The following KCNT2 variants were observed in gnomAD, a reference collection of about 807,000 sequenced individuals.
KCNT2 encodes potassium channel subfamily T member 2.
A neutral mutation model predicts 153.8 loss-of-function variants in KCNT2; 67 were observed. The ratio of observed to expected loss-of-function variants is 0.44; its 90% CI spans 0.36 to 0.53. KCNT2 has a LOEUF of 0.53. Ranked by LOEUF, KCNT2 falls within the 20% of genes least tolerant of loss-of-function variation. KCNT2 has a pLI of 0.00. For missense variants in KCNT2, 975 were observed against 1,354.8 expected (o/e 0.72, Z 4.40); for synonymous variants, 500 against 458.8 (o/e 1.09, Z -1.15).
At chr1:196,494,965 G>C (rs893698719) in intron 1 of KCNT2, among the ~76,000 whole-genome samples, 1 of 151,772 alleles carries the variant, frequency 6.6e-6, no homozygotes, top group African/African-American at 2.4e-5. Context: ...CAGCATGCGA[G>C]CCACTGGCTT....
intron 1 of KCNT2, among the ~76,000 whole-genome samples, chr1:196,543,748 ATG>A (rs1656693835): frequency 6.6e-6 from 1 of 152,164 alleles, no homozygotes. Flanking sequence ...ACAACCCTAT[ATG>A]CTGTGAGGAT....
intron 14 of KCNT2, among the ~76,000 whole-genome samples, chr1:196,349,279 C>T (rs987205058): frequency 7.9e-5 from 12 of 152,110 alleles, no homozygotes; most frequent in African/African-American, 2.9e-4. Context: ...TTTCAGATCT[C>T]CCATTCCTAT....
intron 1 of KCNT2, among the ~76,000 whole-genome samples, chr1:196,546,034 A>C (rs1416964): frequency 0.97 from 147,298 of 152,038 alleles, 71,528 homozygotes; most frequent in Middle Eastern, 1. Flanking sequence ...TGAGTATATA[A>C]CCAATAGTAT....
chr1:196,411,168 T>C (rs898068228), intron 12 of KCNT2, among the ~76,000 whole-genome samples: 1 of 149,874 alleles, frequency 6.7e-6, no homozygotes, highest in Admixed American at 6.7e-5. Context: ...TTTCCTTCTG[T>C]TGAAGAGACT....
chr1:196,473,007 T>C (rs1005853811), intron 5 of KCNT2, among the ~76,000 whole-genome samples: 1 of 152,184 alleles, frequency 6.6e-6, no homozygotes, highest in Non-Finnish European at 1.5e-5. Flanking sequence ...ATTTCATTTG[T>C]CTCTTGTTGA....
chr1:196,331,017 T>A (rs1664405448), intron 18 of KCNT2, 139 bp downstream of exon 18: 4 of 585,544 alleles, frequency 6.8e-6, no homozygotes, highest in Non-Finnish European at 1.2e-5. Context: ...CCACTTTATA[T>A]AAATTTACAT....
chr1:196,252,883 T>C (rs1036823798), intron 26 of KCNT2, among the ~76,000 whole-genome samples: 2 of 151,430 alleles, frequency 1.3e-5, no homozygotes, highest in Admixed American at 6.6e-5. Context: ...CCTTTCTATT[T>C]TTTTGTTTTG....
intron 1 of KCNT2, among the ~76,000 whole-genome samples, chr1:196,540,553 A>G (rs1318792285): frequency 6.6e-6 from 1 of 152,172 alleles, no homozygotes. Flanking sequence ...CCAACCAACC[A>G]AGAAACAACA....
At chr1:196,602,383 T>C (rs1664821251) in intron 1 of KCNT2, among the ~76,000 whole-genome samples, 1 of 152,198 alleles carries the variant, frequency 6.6e-6, no homozygotes, top group Non-Finnish European at 1.5e-5. Flanking sequence ...GAACCATCAA[T>C]GACAAAAGGA....
intron 1 of KCNT2, among the ~76,000 whole-genome samples, chr1:196,561,713 G>A (rs899329916): frequency 5.5e-5 from 7 of 128,396 alleles, no homozygotes; most frequent in African/African-American, 1.4e-4. Context: ...AGAAATGCTC[G>A]TTACACAGCC....
chr1:196,546,529 C>T (rs55847636), intron 1 of KCNT2, among the ~76,000 whole-genome samples: 7,963 of 152,026 alleles, frequency 0.052, 282 homozygotes, highest in Non-Finnish European at 0.079. Context: ...CCTGTGGCAC[C>T]TGAGATCACA....
intron 1 of KCNT2, among the ~76,000 whole-genome samples, chr1:196,531,731 T>C (rs112973237): frequency 3.3e-5 from 5 of 152,110 alleles, no homozygotes; most frequent in Non-Finnish European, 7.4e-5. Flanking sequence ...GCTCAGTGAT[T>C]ATTTCAGCAG....
At chr1:196,508,780 A>G (rs1367713368) in intron 1 of KCNT2, among the ~76,000 whole-genome samples, 1 of 152,242 alleles carries the variant, frequency 6.6e-6, no homozygotes, top group Non-Finnish European at 1.5e-5. Context: ...AAAAGGTTTA[A>G]TAAAGCCAAA....
At chr1:196,428,340 T>C in intron 9 of KCNT2, 71 bp from the exon 10 acceptor site, 2 of 1,073,190 alleles carry the variant, frequency 1.9e-6, no homozygotes, top group Non-Finnish European at 2.8e-6. Context: ...AATACATCTA[T>C]TGTTTATTAG....
chr1:196,474,038 T>C (rs79280483), intron 5 of KCNT2, among the ~76,000 whole-genome samples: 3,673 of 152,220 alleles, frequency 0.024, 158 homozygotes, highest in African/African-American at 0.083. Flanking sequence ...TCTATGTTCC[T>C]TTTATTATTG....
intron 14 of KCNT2, among the ~76,000 whole-genome samples, chr1:196,343,798 TAGA>T (rs1665892986): frequency 6.6e-6 from 1 of 152,078 alleles, no homozygotes; most frequent in South Asian, 2.1e-4. Flanking sequence ...TGTGTGTTTT[TAGA>T]AGGAGTCTTG....
chr1:196,304,808 T>C (rs1209734893), intron 22 of KCNT2, among the ~76,000 whole-genome samples: 1 of 152,168 alleles, frequency 6.6e-6, no homozygotes, highest in Non-Finnish European at 1.5e-5. Flanking sequence ...TTTGACCTTG[T>C]TTTCCTCCCT....
At chr1:196,284,864 C>T (rs927424130) in intron 23 of KCNT2, among the ~76,000 whole-genome samples, 4 of 151,926 alleles carry the variant, frequency 2.6e-5, no homozygotes, top group Non-Finnish European at 4.4e-5. Context: ...TTCAGTCAAG[C>T]AATTATAGAA....
intron 13 of KCNT2, among the ~76,000 whole-genome samples, chr1:196,391,312 T>C (rs1670469498): frequency 6.6e-6 from 1 of 151,388 alleles, no homozygotes; most frequent in Non-Finnish European, 1.5e-5. Flanking sequence ...TTGATCATAG[T>C]ACAAATCTAG....
Sources: gnomAD v4.1 joint callset for allele counts (sites outside exome capture counted in the v4.1 genomes callset) on GRCh38, gnomAD v4.1.1 for gene constraint, MANE v1.5 for transcripts, NCBI Gene and HGNC (gene_info 2026-07-23, HGNC 2026-07-21) for gene names.